The following LRRC37A variants were observed in gnomAD, a reference collection of about 807,000 sequenced individuals.
LRRC37A encodes leucine-rich repeat-containing protein 37A.
Under a neutral mutation model 35.4 loss-of-function variants are expected in LRRC37A, and 3 were observed. That is an observed-to-expected ratio of 0.08 (90% confidence interval 0.04 to 0.22). LRRC37A has a LOEUF of 0.22. LRRC37A is among the 10% of genes least tolerant of loss of function. LRRC37A has a pLI of 1.00. For synonymous variants in LRRC37A, 23 were observed against 215.0 expected, an observed-to-expected ratio of 0.11 and a Z score of 7.81; for missense variants, 67 against 565.3, an observed-to-expected ratio of 0.12 and a Z score of 8.94.
chr17:46,290,009 C>T (rs1211100135), upstream of LRRC37A, among the ~76,000 whole-genome samples: 1 of 152,236 alleles, frequency 6.6e-6, no homozygotes, highest in African/African-American at 2.4e-5. Flanking sequence ...GTGCCAACTA[C>T]TTGGAAGGCT....
chr17:46,253,425 C>G, the LRRC37A span, among the ~76,000 whole-genome samples: 7 of 152,084 alleles, frequency 4.6e-5, no homozygotes, highest in Non-Finnish European at 1.0e-4. Context: ...TGTAGCCAGC[C>G]GAGATCACGC....
the LRRC37A span, among the ~76,000 whole-genome samples, chr17:46,279,233 G>T: frequency 6.7e-6 from 1 of 149,370 alleles, no homozygotes; most frequent in African/African-American, 2.5e-5. Flanking sequence ...GCCTAGGCTG[G>T]AGTGCAGTGG....
At chr17:46,282,805 G>A in the LRRC37A span, among the ~76,000 whole-genome samples, 4,635 of 127,398 alleles carry the variant, frequency 0.036, no homozygotes, top group Middle Eastern at 0.063. Flanking sequence ...AAAGCACCCC[G>A]TGGCTTTTCC....
the LRRC37A span, among the ~76,000 whole-genome samples, chr17:46,270,050 G>A: frequency 3.3e-5 from 5 of 152,154 alleles, no homozygotes; most frequent in Non-Finnish European, 5.9e-5. Context: ...TATTTTTTCA[G>A]AAGATAAGGC....
the LRRC37A span, among the ~76,000 whole-genome samples, chr17:46,263,855 A>C: frequency 1.6e-5 from 1 of 61,796 alleles, no homozygotes; most frequent in African/African-American, 7.2e-5. Context: ...ACTCTGTCTC[A>C]AAAAAAAAAA....
chr17:46,334,033 CTCATG>C (rs2052168552), intron 10 of LRRC37A, among the ~76,000 whole-genome samples: 1 of 10,906 alleles, frequency 9.2e-5, no homozygotes, highest in Admixed American at 6.6e-4. Context: ...AACGTGCTAT[CTCATG>C]TCATGTATTC....
upstream of LRRC37A, among the ~76,000 whole-genome samples, chr17:46,287,759 T>G (rs540425994): frequency 6.6e-6 from 1 of 152,198 alleles, no homozygotes; most frequent in Non-Finnish European, 1.5e-5. Flanking sequence ...GATGCAAAGA[T>G]AGTTATCCAG....
At position 46,333,257 on chromosome 17, in the gene LRRC37A, T is replaced by A. The variant is rs2052119882; in HGVS notation, c.4809+601T>A. 3.2e-5 allele frequency among the ~76,000 whole-genome samples: 2 copies of A among 62,262 alleles called. 1 individual carries two copies. Among genetic ancestry groups the A allele is most frequent in the South Asian group, 1.4e-3 (2 of 1,448 alleles). 40.8% of individuals were successfully genotyped at this position (62,262 alleles called of 152,430 possible). Reference sequence around the variant, plus strand: ...GGAACGTCTCATACTCTAGCCCTCCTGAGCCTATACCCTCTGTGAGATGTG... The same window carrying A: ...GGAACGTCTCATACTCTAGCCCTCCAGAGCCTATACCCTCTGTGAGATGTG... On this transcript the variant is annotated intron_variant, in intron 10 of 13. Transcript: ENST00000320254.
Position 46,322,312 on chromosome 17 carries a change from C to T in LRRC37A, c.2907-10C>T, listed in dbSNP as rs765165359. 5.5e-6 allele frequency: 4 copies of T among 722,216 alleles called. 1 individual carries two copies. In the South Asian group the frequency reaches 1.2e-4, roughly 21 times the overall value. The allele number at this position is 722,216 out of a possible 1,614,324, so 44.7% of individuals were successfully genotyped here. ...AATGCAGGTTATTTTAATTCTATTC[C>T]ATTTTTCAGAATTCTCAATCACAAT... On this transcript the variant is annotated splice_polypyrimidine_tract_variant and intron_variant, in intron 5 of 13. Transcript: ENST00000320254.
intron 7 of LRRC37A, among the ~76,000 whole-genome samples, chr17:46,326,000 G>A (rs1212549853): frequency 3.1e-5 from 2 of 63,666 alleles, no homozygotes; most frequent in African/African-American, 6.8e-5. Flanking sequence ...TTGGGCTCAT[G>A]CCTGTAATCC....
chr17:46,287,784 G>A (rs1376800105), upstream of LRRC37A, among the ~76,000 whole-genome samples: 2 of 152,240 alleles, frequency 1.3e-5, no homozygotes, highest in Non-Finnish European at 2.9e-5. Flanking sequence ...TGTCTACACT[G>A]CTTGGCAGGG....
At chr17:46,263,550 CAAAAAA>C in the LRRC37A span, among the ~76,000 whole-genome samples, 1 of 63,628 alleles carries the variant, frequency 1.6e-5, no homozygotes, top group Admixed American at 1.8e-4. Context: ...GACTCTGTCT[CAAAAAA>C]AAAAAAAAAA....
the LRRC37A span, among the ~76,000 whole-genome samples, chr17:46,265,291 C>G: frequency 9.3e-6 from 1 of 107,788 alleles, no homozygotes; most frequent in African/African-American, 2.7e-5. Context: ...TCTTCTTCTT[C>G]TTCTTCTTCT....
At chr17:46,275,840 T>C in the LRRC37A span, among the ~76,000 whole-genome samples, 18,471 of 152,144 alleles carry the variant, frequency 0.12, no homozygotes, top group Non-Finnish European at 0.18. Context: ...TTTAAAATCA[T>C]ATTTTTCTAT....
chr17:46,274,883 T>G, the LRRC37A span: 1 of 152,652 alleles, frequency 6.6e-6, no homozygotes, highest in Non-Finnish European at 1.5e-5. Context: ...TCTTTTTTCT[T>G]TTTCTTTTCT....
At chr17:46,258,236 G>T in the LRRC37A span, among the ~76,000 whole-genome samples, 1 of 121,058 alleles carries the variant, frequency 8.3e-6, no homozygotes. Flanking sequence ...TTTTGAGATG[G>T]AGTCTCGCTC....
the LRRC37A span, among the ~76,000 whole-genome samples, chr17:46,271,678 C>G: frequency 6.6e-6 from 1 of 152,128 alleles, no homozygotes; most frequent in Non-Finnish European, 1.5e-5. Context: ...TTACAAACAA[C>G]AGCAAATCTT....
chr17:46,258,438 T>C, the LRRC37A span, among the ~76,000 whole-genome samples: 7 of 152,168 alleles, frequency 4.6e-5, no homozygotes, highest in Non-Finnish European at 8.8e-5. Flanking sequence ...CTTGATCTCT[T>C]GACCTTGTGA....
the LRRC37A span, among the ~76,000 whole-genome samples, chr17:46,250,878 C>T: frequency 6.6e-6 from 1 of 151,624 alleles, no homozygotes; most frequent in South Asian, 2.1e-4. Flanking sequence ...TCTCCTCTTC[C>T]TCTTCCTTCT....
Sources: gnomAD v4.1 joint callset for allele counts (sites outside exome capture counted in the v4.1 genomes callset) on GRCh38, gnomAD v4.1.1 for gene constraint, MANE v1.5 for transcripts, NCBI Gene and HGNC (gene_info 2026-07-23, HGNC 2026-07-21) for gene names.